IQCK: variants seen among roughly 807,000 people sequenced by gnomAD.
The protein encoded by IQCK is IQ motif containing K, also known as IQ domain-containing protein K.
IQCK carries 29 observed loss-of-function variants against 28.1 expected under a neutral mutation model. That is an observed-to-expected ratio of 1.03 (90% CI 0.77 to 1.41). The LOEUF (loss-of-function observed/expected upper bound fraction) is 1.41. Among genes scored for constraint, IQCK ranks in the 40% most tolerant of loss-of-function variants. The probability of loss-of-function intolerance (pLI) is 0.00; values close to 1 mark genes in which losing one functional copy is unlikely to be tolerated. For synonymous variants in IQCK, 113 were observed against 115.1 expected, an observed-to-expected ratio of 0.98 and a Z score of 0.12; for missense variants, 359 against 314.7, an observed-to-expected ratio of 1.14 and a Z score of -1.07.
At chr16:19,746,814 C>T (rs2054919084) in intron 4 of IQCK, among the ~76,000 whole-genome samples, 1 of 152,208 alleles carries the variant, frequency 6.6e-6, no homozygotes, top group South Asian at 2.1e-4. Context: ...CTTTGTCCGC[C>T]GGCTTTGAGG....
chr16:19,782,835 G>C (rs1012939194), intron 6 of IQCK, among the ~76,000 whole-genome samples: 1 of 152,150 alleles, frequency 6.6e-6, no homozygotes, highest in Non-Finnish European at 1.5e-5. Flanking sequence ...TTAGCATGCT[G>C]TATCTTCACG....
At chr16:19,728,587 AC>A (rs1977731679) in intron 1 of IQCK, among the ~76,000 whole-genome samples, 6 of 152,184 alleles carry the variant, frequency 3.9e-5, no homozygotes, top group Admixed American at 3.9e-4. Context: ...AATTCTGTCA[AC>A]AACCAATGAG....
intron 4 of IQCK, among the ~76,000 whole-genome samples, chr16:19,747,416 G>A (rs1311207457): frequency 1.3e-5 from 2 of 151,900 alleles, no homozygotes; most frequent in African/African-American, 4.8e-5. Flanking sequence ...CTGACATAGT[G>A]TCACTTTCAC....
At chr16:19,806,456 C>T (rs543459312) in intron 7 of IQCK, among the ~76,000 whole-genome samples, 10 of 151,920 alleles carry the variant, frequency 6.6e-5, no homozygotes, top group South Asian at 4.2e-4. Context: ...GAGGCTGAGG[C>T]GGGCAAATCA....
intron 6 of IQCK, among the ~76,000 whole-genome samples, chr16:19,766,367 A>C (rs1211692634): frequency 6.6e-6 from 1 of 152,240 alleles, no homozygotes; most frequent in Non-Finnish European, 1.5e-5. Flanking sequence ...GGGAAGCATG[A>C]GACCATCCAC....
At position 19,753,368 on chromosome 16, in the gene IQCK, G is replaced by A. The variant is rs145353909; in HGVS notation, c.475-10480G>A. ...TTGAGCCTAGGAATTCAAGGCTGCAGTGAACTATGATCATGCCATTACACT... is the reference window on the plus strand; with the variant it reads ...TTGAGCCTAGGAATTCAAGGCTGCAATGAACTATGATCATGCCATTACACT... On this transcript the variant is annotated intron_variant, in intron 4 of 7. Coordinates refer to ENST00000564186, the Ensembl canonical transcript of IQCK. 4.2e-3 allele frequency among the ~76,000 whole-genome samples: 647 copies of A among 152,268 alleles called. 1 individual carries two copies. Among genetic ancestry groups the A allele is most frequent in the Non-Finnish European group, 7.1e-3 (481 of 68,028 alleles).
At chr16:19,776,877 C>T (rs558805849) in intron 6 of IQCK, among the ~76,000 whole-genome samples, 3 of 152,216 alleles carry the variant, frequency 2.0e-5, no homozygotes, top group East Asian at 1.9e-4. Flanking sequence ...AGTATATAGT[C>T]GTGACTCAAC....
At chr16:19,740,713 G>T (rs561500128) in intron 4 of IQCK, among the ~76,000 whole-genome samples, 2 of 152,268 alleles carry the variant, frequency 1.3e-5, no homozygotes, top group South Asian at 4.1e-4. Context: ...GGTCATGCCT[G>T]TAATGCCAGC....
At chr16:19,765,280 G>C (rs1440264764) in intron 6 of IQCK, among the ~76,000 whole-genome samples, 1 of 149,620 alleles carries the variant, frequency 6.7e-6, no homozygotes, top group Admixed American at 6.7e-5. Context: ...GCTTATGCCT[G>C]TAATCCCAAT....
At chr16:19,818,926 C>T (rs1313123729) in intron 7 of IQCK, among the ~76,000 whole-genome samples, 1 of 151,990 alleles carries the variant, frequency 6.6e-6, no homozygotes, top group East Asian at 1.9e-4. Flanking sequence ...TTCCTCTCGG[C>T]GAGTAAAGCT....
At chr16:19,777,421 G>T (rs576695184) in intron 6 of IQCK, among the ~76,000 whole-genome samples, 1 of 152,092 alleles carries the variant, frequency 6.6e-6, no homozygotes, top group Non-Finnish European at 1.5e-5. Flanking sequence ...TTAAATGGTG[G>T]CACAGCAGAA....
rs959805214 is a variant in IQCK, at chr16:19,763,839, T to C, written c.475-9T>C. On this transcript the variant is annotated splice_polypyrimidine_tract_variant and intron_variant, in intron 4 of 7. Transcript: ENST00000564186. ...TCAGTTGTAATTTAATTATCTCTTC[T>C]CTCTTCAGAGGAAAAGAACCAAATT... 1.2e-6 allele frequency: 2 copies of C among 1,605,178 alleles called. No individual in the cohort carries two copies. Among genetic ancestry groups the C allele is most frequent in the Non-Finnish European group, 1.7e-6 (2 of 1,172,078 alleles).
chr16:19,779,208 CCT>C (rs1475171687), intron 6 of IQCK, among the ~76,000 whole-genome samples: 1 of 152,120 alleles, frequency 6.6e-6, no homozygotes, highest in African/African-American at 2.4e-5. Context: ...CTGAAATCAA[CCT>C]AATAGTGCAT....
At chr16:19,832,100 A>G (rs1444251856), downstream of IQCK, among the ~76,000 whole-genome samples, 5 of 152,084 alleles carry the variant, frequency 3.3e-5, no homozygotes, top group Non-Finnish European at 5.9e-5. Flanking sequence ...TTAGCCTCAC[A>G]TAGTCAGTAA....
At chr16:19,852,063 A>G (rs1269311757) in intron 9 of IQCK, among the ~76,000 whole-genome samples, 2 of 152,118 alleles carry the variant, frequency 1.3e-5, no homozygotes, top group Non-Finnish European at 1.5e-5. Context: ...ACAGGTCTCT[A>G]TGGTAATAAG....
At chr16:19,745,759 CAT>C (rs2054902062) in intron 4 of IQCK, among the ~76,000 whole-genome samples, 1 of 152,198 alleles carries the variant, frequency 6.6e-6, no homozygotes, top group Admixed American at 6.5e-5. Flanking sequence ...TGGGGTCACT[CAT>C]GTGACTGCGT....
intron 7 of IQCK, among the ~76,000 whole-genome samples, chr16:19,809,590 T>C (rs949067234): frequency 2.0e-5 from 3 of 152,230 alleles, no homozygotes; most frequent in African/African-American, 7.2e-5. Flanking sequence ...AGTTACTGTC[T>C]ATCTGTCAAA....
At chr16:19,858,203 T>G (rs566957435) in exon 10 of IQCK, 2 of 316,392 alleles carry the variant, frequency 6.3e-6, no homozygotes, top group African/African-American at 2.1e-5. Flanking sequence ...AAAGAACAGC[T>G]CTCTCCCTTC....
intron 7 of IQCK, among the ~76,000 whole-genome samples, chr16:19,814,214 C>CT (rs2055946527): frequency 1.0e-5 from 1 of 98,374 alleles, no homozygotes; most frequent in South Asian, 3.8e-4. Flanking sequence ...GAGCAAAACT[C>CT]TATCTCAAAA....
Sources: gnomAD v4.1 joint callset for allele counts (sites outside exome capture counted in the v4.1 genomes callset) on GRCh38, gnomAD v4.1.1 for gene constraint, MANE v1.5 for transcripts, NCBI Gene and HGNC (gene_info 2026-07-23, HGNC 2026-07-21) for gene names.